Variants in PRORP observed in about 807,000 individuals in gnomAD.
PRORP encodes the protein mitochondrial ribonuclease P catalytic subunit.
In PRORP, 51 loss-of-function variants were observed where a neutral mutation model predicts 59.4. The ratio of observed to expected loss-of-function variants is 0.86; its 90% confidence interval spans 0.69 to 1.08. The LOEUF (loss-of-function observed/expected upper bound fraction) is 1.08, where lower values mean the gene tolerates loss of function less well. Ranked by LOEUF, PRORP falls within the 50% of genes least tolerant of loss-of-function variation. The pLI, the probability that PRORP is intolerant of heterozygous loss-of-function variation, is 0.00. For missense variants in PRORP, 646 were observed against 690.3 expected (o/e 0.94, Z 0.72); for synonymous variants, 231 against 245.6 (o/e 0.94, Z 0.55).
chr14:35,131,904 A>G (rs1482667969), intron 4 of PRORP, among the ~76,000 whole-genome samples: 1 of 150,620 alleles, frequency 6.6e-6, no homozygotes, highest in Non-Finnish European at 1.5e-5. Flanking sequence ...CAGTGGTGCT[A>G]TTTTGGCTCA....
intron 5 of PRORP, among the ~76,000 whole-genome samples, chr14:35,264,983 C>T (rs189826859): frequency 1.3e-5 from 2 of 151,872 alleles, no homozygotes; most frequent in Admixed American, 6.6e-5. Context: ...AGCAAGACTT[C>T]GTCTCAAAAA....
intron 4 of PRORP, chr14:35,144,626 G>T (rs1290071004): frequency 6.8e-6 from 1 of 146,094 alleles, no homozygotes; most frequent in African/African-American, 2.4e-5. Flanking sequence ...AGAGGATTTT[G>T]TTGGCTCTTG....
At chr14:35,181,510 A>G (rs1380963590) in intron 5 of PRORP, among the ~76,000 whole-genome samples, 2 of 152,178 alleles carry the variant, frequency 1.3e-5, no homozygotes, top group Non-Finnish European at 2.9e-5. Flanking sequence ...CTGGCTGGGC[A>G]CAGTGGCTCA....
At chr14:35,237,799 TATGCCACCAAGCCCGGCTA>T (rs1227476462) in intron 5 of PRORP, among the ~76,000 whole-genome samples, 1 of 151,752 alleles carries the variant, frequency 6.6e-6, no homozygotes, top group Non-Finnish European at 1.5e-5. Flanking sequence ...ACTACAGGCG[TATGCCACCAAGCCCGGCTA>T]ATTTTTTTTG....
intron 5 of PRORP, among the ~76,000 whole-genome samples, chr14:35,211,269 C>T (rs972329437): frequency 6.6e-6 from 1 of 152,110 alleles, no homozygotes; most frequent in African/African-American, 2.4e-5. Flanking sequence ...GTCTTCTCAG[C>T]ACTTCTTAAA....
chr14:35,258,463 ATAG>A (rs2050814062), intron 5 of PRORP, among the ~76,000 whole-genome samples: 1 of 152,200 alleles, frequency 6.6e-6, no homozygotes, highest in South Asian at 2.1e-4. Flanking sequence ...GAAAGGTGAA[ATAG>A]TAGGAAATAT....
intron 4 of PRORP, among the ~76,000 whole-genome samples, chr14:35,178,055 G>C (rs1373622601): frequency 6.6e-6 from 1 of 152,020 alleles, no homozygotes; most frequent in Non-Finnish European, 1.5e-5. Flanking sequence ...TTGAGCGGTT[G>C]AGTGAGTTTC....
At chr14:35,216,179 GAGAT>G (rs1040448563) in intron 5 of PRORP, among the ~76,000 whole-genome samples, 6 of 103,382 alleles carry the variant, frequency 5.8e-5, no homozygotes, top group Admixed American at 1.1e-4. Flanking sequence ...AGGAGAGAGA[GAGAT>G]AGTTTTAACA....
rs935846326 is a variant in PRORP at position 35,274,778 on chromosome 14, T to TTA, written c.*1212_*1213insTA. On this transcript the variant is annotated 3_prime_UTR_variant, in exon 8 of 8. Transcript: ENST00000534898. ...TGGTTCAACATTTTGTGAACACTAT[T>TTA]AATTTCATCATTCAGTATATGTGGG... is the stretch of plus-strand genomic sequence containing the variant. 1 of 152,242 alleles carries TTA rather than the reference T, an allele frequency of 6.6e-6. No homozygotes were observed. The highest frequency in any genetic ancestry group is 1.5e-5 in the Non-Finnish European group (1 of 68,042). 9.4% of individuals were successfully genotyped at this position (152,242 alleles called of 1,614,324 possible). A position where few individuals can be genotyped will look rare whatever the true frequency, so the allele number is the denominator to read the frequency against.
At chr14:35,199,260 G>A (rs1303542664) in intron 5 of PRORP, among the ~76,000 whole-genome samples, 1 of 151,412 alleles carries the variant, frequency 6.6e-6, no homozygotes, top group African/African-American at 2.4e-5. Flanking sequence ...GCTTGAACCC[G>A]GAAGGCGGAT....
chr14:35,210,148 T>C (rs1469600978), intron 5 of PRORP, among the ~76,000 whole-genome samples: 2 of 152,090 alleles, frequency 1.3e-5, no homozygotes, highest in African/African-American at 4.8e-5. Context: ...TACTCACAAA[T>C]GGAAAAAAAA....
chr14:35,186,781 T>A (rs1315991282), intron 5 of PRORP, among the ~76,000 whole-genome samples: 3 of 151,802 alleles, frequency 2.0e-5, no homozygotes, highest in South Asian at 2.1e-4. Flanking sequence ...TATTATTATT[T>A]TTCATAGAAA....
At position 35,126,734 on chromosome 14, in the gene PRORP, G is replaced by A. The variant is rs781248577; in HGVS notation, c.987-1G>A. 1 of 1,607,982 alleles carries A rather than the reference G, an allele frequency of 6.2e-7. No homozygotes were observed. Among genetic ancestry groups the A allele is most frequent in the Non-Finnish European group, 8.5e-7 (1 of 1,176,136 alleles). Reference sequence around the variant, plus strand: ...GATTTGGTTTTGCAATCTTTTCATAGTGTTCCTGGAAAACAATGGAAAGGA... The same window carrying A: ...GATTTGGTTTTGCAATCTTTTCATAATGTTCCTGGAAAACAATGGAAAGGA... On this transcript the variant is annotated splice_acceptor_variant, in intron 2 of 7. Transcript: ENST00000534898. LOFTEE classifies it high-confidence loss of function.
At chr14:35,268,456 C>T (rs147783924) in intron 6 of PRORP, among the ~76,000 whole-genome samples, 1 of 151,916 alleles carries the variant, frequency 6.6e-6, no homozygotes, top group East Asian at 1.9e-4. Context: ...ACTCAATGCA[C>T]TGTTGTGCAT....
chr14:35,188,630 G>T (rs987526393), intron 5 of PRORP, among the ~76,000 whole-genome samples: 1 of 151,868 alleles, frequency 6.6e-6, no homozygotes, highest in African/African-American at 2.4e-5. Context: ...TTTTGATGAA[G>T]TCCAATTTAT....
At chr14:35,263,047 T>C in intron 5 of PRORP, 2 of 1,538,178 alleles carry the variant, frequency 1.3e-6, no homozygotes, top group Non-Finnish European at 1.8e-6. Flanking sequence ...GATCTAAGAG[T>C]TGTCCAGCTT....
intron 5 of PRORP, chr14:35,262,778 G>A (rs2050938472): frequency 8.3e-7 from 1 of 1,210,686 alleles, no homozygotes; most frequent in South Asian, 1.2e-5. Flanking sequence ...TTATCCAGGA[G>A]AATGGGTCTC....
chr14:35,174,736 CTTCTTTTTTTTTTCT>C (rs1566476054), intron 4 of PRORP, among the ~76,000 whole-genome samples: 8,281 of 107,706 alleles, frequency 0.077, 437 homozygotes, highest in African/African-American at 0.17. Context: ...ACAGTTCATT[CTTCTTTTTTTTTTCT>C]TTTTTTTTTT....
intron 5 of PRORP, among the ~76,000 whole-genome samples, chr14:35,191,580 G>GGATGTGA (rs1181388774): frequency 6.6e-6 from 1 of 152,132 alleles, no homozygotes; most frequent in East Asian, 1.9e-4. Flanking sequence ...GCATGCACCT[G>GGATGTGA]TGGTTCCAGC....
Sources: allele counts gnomAD v4.1 joint callset (sites outside exome capture counted in the v4.1 genomes callset), GRCh38; gene constraint gnomAD v4.1.1; transcripts MANE v1.5; gene names NCBI Gene and HGNC (gene_info 2026-07-23, HGNC 2026-07-21).